The following RDH10 variants were observed in gnomAD, a reference collection of about 807,000 sequenced individuals.
RDH10 encodes the protein retinol dehydrogenase 10 (all-trans).
RDH10 carries 12 observed loss-of-function variants against 30.2 expected under a neutral mutation model. The observed-to-expected ratio is 0.40, with a 90% CI of 0.25 to 0.64. The LOEUF (loss-of-function observed/expected upper bound fraction) is 0.64, where lower values mean the gene tolerates loss of function less well. Ranked by LOEUF, RDH10 falls within the 30% of genes least tolerant of loss-of-function variation. RDH10 has a pLI of 0.43. For synonymous variants in RDH10, 189 were observed against 172.2 expected, an observed-to-expected ratio of 1.10 and a Z score of -0.76; for missense variants, 268 against 445.2, an observed-to-expected ratio of 0.60 and a Z score of 3.58.
At chr8:73,304,732 T>G (rs2130362686) in intron 2 of RDH10, among the ~76,000 whole-genome samples, 1 of 152,368 alleles carries the variant, frequency 6.6e-6, no homozygotes, top group South Asian at 2.1e-4. Context: ...ATTTGAGTCC[T>G]GTTTTACTTG....
In RDH10 at chr8:73,323,837, A is replaced by C. The variant is rs1401303353; in HGVS notation, c.*801A>C. ...CAGCTAATTTTTGTATTTTTAGTAGAGACGGGGTTTCACCATGTTGGTCAG... is the reference window on the plus strand; with the variant it reads ...CAGCTAATTTTTGTATTTTTAGTAGCGACGGGGTTTCACCATGTTGGTCAG... On this transcript the variant is annotated 3_prime_UTR_variant, in exon 6 of 6. Coordinates refer to ENST00000240285, the MANE Select transcript of RDH10 (RefSeq NM_172037.5). 1 of 152,096 alleles carries C rather than the reference A, an allele frequency of 6.6e-6. No homozygotes were observed. Among genetic ancestry groups the C allele is most frequent in the Non-Finnish European group, 1.5e-5 (1 of 68,058 alleles). 9.4% of individuals were successfully genotyped at this position (152,096 alleles called of 1,614,324 possible).
Position 73,294,975 on chromosome 8 carries a change from G to A in RDH10, c.-315G>A, listed in dbSNP as rs1814228180. 2.6e-6 allele frequency: 1 copy of A among 389,708 alleles called. No individual in the cohort carries two copies. The highest frequency in any genetic ancestry group is 1.3e-4 in the South Asian group (1 of 7,804). 24.1% of individuals were successfully genotyped at this position (389,708 alleles called of 1,614,324 possible). On this transcript the variant is annotated 5_prime_UTR_variant, in exon 1 of 6. Transcript: ENST00000240285. ...AGTAGTCTAACTCGCGGCTGTCACC[G>A]CCACTGCAGCGGAGCCGGCCGGCCG... is the stretch of plus-strand genomic sequence containing the variant.
chr8:73,321,372 G>A (rs902236302), intron 4 of RDH10, among the ~76,000 whole-genome samples: 2 of 152,204 alleles, frequency 1.3e-5, no homozygotes, highest in African/African-American at 4.8e-5. Flanking sequence ...ATCTTTTGGA[G>A]TTATTTTGTT....
intron 1 of RDH10, chr8:73,295,826 G>T: frequency 1.6e-6 from 2 of 1,248,342 alleles, no homozygotes; most frequent in Non-Finnish European, 2.0e-6. Context: ...CGGGGGGAGG[G>T]GGCGGGTTTC....
At chr8:73,298,783 C>A (rs1046378959) in intron 2 of RDH10, among the ~76,000 whole-genome samples, 1 of 152,060 alleles carries the variant, frequency 6.6e-6, no homozygotes, top group African/African-American at 2.4e-5. Context: ...CCACCTCAGC[C>A]CCCAAAGTGC....
Position 73,295,531 on chromosome 8 carries a change from G to T in RDH10, c.242G>T (p.Arg81Leu). ...QSNEETAGMV[R>L]HIYRDLEAAD... is the part of the protein sequence containing the mutation. ...AACGAGGAGACGGCTGGCATGGTGC[G>T]CCACATCTACCGCGACCTGGAGGCG... Residue 81 changes from arginine to leucine, a missense_variant, in exon 1 of 6, where the codon CGC (arginine) becomes CTC (leucine). By Grantham distance (102) the Arg-to-Leu change is moderately radical (BLOSUM62 -2). Around this residue, in one of 4 missense-constraint regions of RDH10, gnomAD observed 42 missense variants for 77.6 expected, o/e 0.54. Transcript: ENST00000240285. The T allele has an allele frequency of 6.4e-7, 1 of 1,553,846 alleles. No individual in the cohort carries two copies. The highest frequency in any genetic ancestry group is 1.4e-5 in the African/African-American group (1 of 72,828).
chr8:73,321,808 G>A, intron 4 of RDH10: 1 of 456,230 alleles, frequency 2.2e-6, no homozygotes, highest in South Asian at 1.5e-5. Flanking sequence ...GTTGGTTGGG[G>A]GCCATTCTTA....
At position 73,295,179 on chromosome 8, in the gene RDH10, C is replaced by G; in HGVS notation, c.-111C>G. The G allele has an allele frequency of 9.2e-7, 1 of 1,091,708 alleles. No individual in the cohort carries two copies. The highest frequency in any genetic ancestry group is 1.2e-6 in the Non-Finnish European group (1 of 813,512). The allele number at this position is 1,091,708 out of a possible 1,614,324, so 67.6% of individuals were successfully genotyped here. On this transcript the variant is annotated 5_prime_UTR_variant, in exon 1 of 6. Coordinates refer to ENST00000240285, the MANE Select transcript of RDH10 (RefSeq NM_172037.5). ...CTCGGGGGCGGGCGCGGGGCGCAGC[C>G]TTCTCGTCCCGGCCTCTGTGACAAG...
intron 4 of RDH10, 80 bp from the exon 5 acceptor site, chr8:73,322,599 C>A: frequency 8.7e-7 from 1 of 1,155,692 alleles, no homozygotes; most frequent in East Asian, 2.4e-5. Context: ...GATAACATCA[C>A]TGTTAATGTT....
intron 2 of RDH10, among the ~76,000 whole-genome samples, chr8:73,315,810 CCTTATA>C (rs1310536725): frequency 1.3e-5 from 2 of 152,148 alleles, no homozygotes; most frequent in South Asian, 4.1e-4. Context: ...AATATTGAGT[CCTTATA>C]CTTTAACTTT....
chr8:73,296,334 T>C (rs1814266443), intron 1 of RDH10, among the ~76,000 whole-genome samples: 1 of 152,180 alleles, frequency 6.6e-6, no homozygotes, highest in Non-Finnish European at 1.5e-5. Context: ...TAACAAAATT[T>C]TTCATTTTTA....
intron 4 of RDH10, among the ~76,000 whole-genome samples, chr8:73,321,571 T>C (rs1444895941): frequency 3.3e-5 from 5 of 152,222 alleles, no homozygotes; most frequent in Non-Finnish European, 7.3e-5. Context: ...AGATTCACTC[T>C]GGCAGAATGA....
At position 73,323,631 on chromosome 8, in the gene RDH10, C is replaced by G. The variant is rs1443162226; in HGVS notation, c.*595C>G. On this transcript the variant is annotated 3_prime_UTR_variant, in exon 6 of 6. Coordinates refer to ENST00000240285, the MANE Select transcript of RDH10 (RefSeq NM_172037.5). ...TGACCAAGTCTCTTTCTTAAAGTCA[C>G]AATGACTAAAGTATTAGTTGAATTT... 1 of 150,008 alleles carries G rather than the reference C, an allele frequency of 6.7e-6. No individual in the cohort carries two copies. The highest frequency in any genetic ancestry group is 1.5e-5 in the Non-Finnish European group (1 of 67,742). 9.3% of individuals were successfully genotyped at this position (150,008 alleles called of 1,614,324 possible).
At chr8:73,322,619 A>G (rs1814790481) in intron 4 of RDH10, 60 bp from the exon 5 acceptor site, 2 of 1,375,840 alleles carry the variant, frequency 1.5e-6, no homozygotes, top group African/African-American at 1.4e-5. Context: ...TTTGATATGT[A>G]TTTCCAGTCT....
At position 73,318,005 on chromosome 8, in the gene RDH10, T is replaced by C. The variant is rs148805831; in HGVS notation, c.526-1091T>C. On this transcript the variant is annotated intron_variant, in intron 2 of 5. Coordinates refer to ENST00000240285, the MANE Select transcript of RDH10 (RefSeq NM_172037.5). ...GTGATACCGTAGCCAGCAAATCCTC[T>C]GAGAAGGGAATGCAGCTCTTCCTTA... Among the ~76,000 whole-genome samples the C allele has an allele frequency of 2.3e-3, 336 of 143,652 alleles. 2 individuals are homozygous for C. The highest frequency in any genetic ancestry group is 8.1e-3 in the African/African-American group (314 of 38,764). 94.2% of individuals were successfully genotyped at this position (143,652 alleles called of 152,430 possible).
In RDH10 at chr8:73,313,600, T is replaced by C. The variant is rs535597507; in HGVS notation, c.526-5496T>C. 3.3e-5 allele frequency among the ~76,000 whole-genome samples: 5 copies of C among 152,292 alleles called. No homozygotes were observed. In the East Asian group the frequency reaches 7.7e-4, roughly 24 times the overall value. On this transcript the variant is annotated intron_variant, in intron 2 of 5. Transcript: ENST00000240285. ...AGCCAAAGTCAGTTATTAAAAGTTT[T>C]CTCTTTTGCAAATAAGAAAATCCCT...
chr8:73,303,438 C>T (rs1432231878), intron 2 of RDH10, among the ~76,000 whole-genome samples: 1 of 152,136 alleles, frequency 6.6e-6, no homozygotes, highest in Non-Finnish European at 1.5e-5. Flanking sequence ...TTTCTCCTTA[C>T]CATAATAACT....
intron 2 of RDH10, chr8:73,312,444 A>G (rs1418596596): frequency 6.6e-6 from 1 of 152,232 alleles, no homozygotes; most frequent in Non-Finnish European, 1.5e-5. Flanking sequence ...TTGCCCTGCA[A>G]AAGTTTGTGC....
intron 2 of RDH10, chr8:73,298,121 G>C (rs907797129): frequency 4.6e-5 from 7 of 152,942 alleles, no homozygotes; most frequent in African/African-American, 1.7e-4. Flanking sequence ...GCTGCTCTAG[G>C]GGCAAAAGTA....
Sources: gnomAD v4.1 joint callset for allele counts (sites outside exome capture counted in the v4.1 genomes callset) on GRCh38, gnomAD v4.1.1 for gene constraint, gnomAD v4.1.1 regional missense constraint, MANE v1.5 for transcripts, NCBI Gene and HGNC (gene_info 2026-07-23, HGNC 2026-07-21) for gene names.